UBIAD1: variants seen among roughly 807,000 people sequenced by gnomAD.
The protein encoded by UBIAD1 is UbiA prenyltransferase domain containing 1.
Under a neutral mutation model 20.1 loss-of-function variants are expected in UBIAD1, and 12 were observed. The ratio of observed to expected loss-of-function variants is 0.60; its 90% CI spans 0.38 to 0.97. The LOEUF is 0.97. Ranked by LOEUF, UBIAD1 falls within the 50% of genes least tolerant of loss-of-function variation. The probability of loss-of-function intolerance (pLI) is 0.00; values close to 1 mark genes in which losing one functional copy is unlikely to be tolerated. For missense variants in UBIAD1, 333 were observed against 419.5 expected (o/e 0.79, Z 1.80); for synonymous variants, 207 against 189.2 (o/e 1.09, Z -0.77).
intron 1 of UBIAD1, chr1:11,279,206 A>C: frequency 4.3e-6 from 1 of 232,946 alleles, no homozygotes; most frequent in Non-Finnish European, 9.4e-6. Context: ...CCCAATAATC[A>C]TGCCTGTCCA....
At chr1:11,295,110 A>T (rs1416728423) in exon 2 of UBIAD1, 4 of 574,338 alleles carry the variant, frequency 7.0e-6, no homozygotes, top group East Asian at 3.0e-5. Flanking sequence ...TGCTGTGTGG[A>T]GGGAGAGGAA....
At chr1:11,289,332 A>G (rs1269921675), downstream of UBIAD1, among the ~76,000 whole-genome samples, 2 of 152,186 alleles carry the variant, frequency 1.3e-5, no homozygotes, top group Non-Finnish European at 2.9e-5. Context: ...GGTTTCATGA[A>G]CCTTGGAGGA....
At chr1:11,277,458 G>A (rs187903847) in intron 1 of UBIAD1, among the ~76,000 whole-genome samples, 85 of 151,998 alleles carry the variant, frequency 5.6e-4, no homozygotes, top group Middle Eastern at 3.4e-3. Flanking sequence ...TTTTAGTAGA[G>A]ACGGGGTTTC....
rs1313551738 is a variant in UBIAD1 at position 11,273,478 on chromosome 1, C to A, written c.-54C>A. On this transcript the variant is annotated 5_prime_UTR_variant, in exon 1 of 2. Transcript: ENST00000376810. The surrounding 1 kb of genome is among the most constrained non-coding windows in gnomAD (Gnocchi z 4.9). ...CGCCCCGTCCTTCCTCCTTCCCGGGCGGTCACTGTGCGTGGCTCACTTTTA... is the reference window on the plus strand; with the variant it reads ...CGCCCCGTCCTTCCTCCTTCCCGGGAGGTCACTGTGCGTGGCTCACTTTTA... 5 of 1,603,454 alleles carry A rather than the reference C, an allele frequency of 3.1e-6. No individual in the cohort carries two copies. In the Admixed American group the frequency reaches 8.3e-5, roughly 27 times the overall value.
chr1:11,289,571 A>G (rs1010822693), downstream of UBIAD1, among the ~76,000 whole-genome samples: 2 of 151,738 alleles, frequency 1.3e-5, no homozygotes, highest in Non-Finnish European at 2.9e-5. Flanking sequence ...TTATTTATTT[A>G]TTATTTTTTT....
At position 11,273,497 on chromosome 1, in the gene UBIAD1, A is replaced by C. The variant is rs780021422; in HGVS notation, c.-35A>C. 67 of 1,609,646 alleles carry C rather than the reference A, an allele frequency of 4.2e-5. No individual in the cohort carries two copies. Among genetic ancestry groups the C allele is most frequent in the Non-Finnish European group, 3.4e-6 (4 of 1,179,960 alleles). Reference sequence around the variant, plus strand: ...CCCGGGCGGTCACTGTGCGTGGCTCACTTTTAGAGTTTACTTCAACCACGT... The same window carrying C: ...CCCGGGCGGTCACTGTGCGTGGCTCCCTTTTAGAGTTTACTTCAACCACGT... On this transcript the variant is annotated 5_prime_UTR_variant, in exon 1 of 2. Transcript: ENST00000376810. The surrounding 1 kb of genome is among the most constrained non-coding windows in gnomAD (Gnocchi z 4.9).
At position 11,286,281 on chromosome 1, in the gene UBIAD1, GATA is replaced by G; in HGVS notation, c.*154_*156del. ...TAAAAATTGTTTTTGTGTTCTTAAA[GATA>G]ATATGTTGTTTTTCTGTTTTTTGTT... On this transcript the variant is annotated 3_prime_UTR_variant, in exon 2 of 2. Coordinates refer to ENST00000376810, the MANE Select transcript of UBIAD1 (RefSeq NM_013319.3). 1 of 1,002,338 alleles carries G rather than the reference GATA, an allele frequency of 1.0e-6. No homozygotes were observed. The highest frequency in any genetic ancestry group is 1.6e-5 in the African/African-American group (1 of 61,148). The allele number at this position is 1,002,338 out of a possible 1,614,324, so 62.1% of individuals were successfully genotyped here. A position where few individuals can be genotyped will look rare whatever the true frequency, so the allele number is the denominator to read the frequency against.
At position 11,285,660 on chromosome 1, in the gene UBIAD1, C is replaced by T. The variant is rs1173458870; in HGVS notation, c.546C>T (p.Tyr182=). The change falls in exon 2 of 2, where the codon TAC becomes TAT. Residue 182 remains tyrosine (Y), a synonymous_variant. Transcript: ENST00000376810. This position sits in a 1 kb window ranked among gnomAD's most constrained non-coding sequence, Gnocchi z 4.4. ...TGGCCGCAGGAATTGGATTCAAGTA[C>T]GTGGCTCTGGGAGACCTCATCATCC... ...FLYTGGIGFK[Y]VALGDLIILI... is the part of the protein sequence containing the mutation. The T allele has an allele frequency of 7.4e-6, 12 of 1,614,162 alleles. No individual in the cohort carries two copies. The Middle Eastern group carries it at 4.9e-4, about 67-fold the overall frequency.
At chr1:11,297,607 G>C (rs1638468317), downstream of UBIAD1, among the ~76,000 whole-genome samples, 1 of 152,224 alleles carries the variant, frequency 6.6e-6, no homozygotes, top group South Asian at 2.1e-4. Context: ...GGAGAGCCAA[G>C]CCTGGCTGTG....
rs1390538814 is a variant in UBIAD1, at chr1:11,273,373, C to G, written c.-159C>G. 20 of 844,290 alleles carry G rather than the reference C, an allele frequency of 2.4e-5. No homozygotes were observed. The highest frequency in any genetic ancestry group is 1.3e-4 in the South Asian group (8 of 63,084). The allele number at this position is 844,290 out of a possible 1,614,324, so 52.3% of individuals were successfully genotyped here. A position where few individuals can be genotyped will look rare whatever the true frequency, so the allele number is the denominator to read the frequency against. ...TTGGCCTCGTGGGGTGTAAGACCCA[C>G]TTGCTGTTGCCCCCGGACCTTGCCG... On this transcript the variant is annotated 5_prime_UTR_variant, in exon 1 of 2. Transcript: ENST00000376810. This position sits in a 1 kb window ranked among gnomAD's most constrained non-coding sequence, Gnocchi z 4.9.
chr1:11,285,881 T>C lies in UBIAD1; in HGVS notation c.767T>C (p.Phe256Ser), dbSNP rs1250845303. 6.2e-7 allele frequency: 1 copy of C among 1,614,116 alleles called. No homozygotes were observed. The highest frequency in any genetic ancestry group is 1.1e-5 in the South Asian group (1 of 91,080). The change falls in exon 2 of 2, where the codon TTC becomes TCC. Residue 256 changes from phenylalanine (F) to serine (S), a missense_variant. This residue lies in a region of UBIAD1 where 226 missense variants were observed against 263.5 expected (regional missense o/e 0.86). Transcript: ENST00000376810. This position sits in a 1 kb window ranked among gnomAD's most constrained non-coding sequence, Gnocchi z 4.4. ...VTLAILIGPT[F>S]SYILYNTLLF... ...CTGGCCATCCTCATCGGCCCCACGT[T>C]CTCCTACATTCTCTACAACACACTG...
chr1:11,284,706 T>C (rs550578515), intron 1 of UBIAD1, among the ~76,000 whole-genome samples: 47 of 152,276 alleles, frequency 3.1e-4, no homozygotes, highest in Non-Finnish European at 5.3e-4. Context: ...TCAGGTAATC[T>C]GCCCGCCTTG....
Position 11,286,841 on chromosome 1 carries a change from A to G in UBIAD1, c.*710A>G, listed in dbSNP as rs937515001. On this transcript the variant is annotated 3_prime_UTR_variant, in exon 2 of 2. Transcript: ENST00000376810. The stretch of plus-strand genomic sequence containing the variant: ...CACTCTGGAGGCAACTGAGAAAATC[A>G]CTGCTTTTGGATAGGAATCAGTAGG... 1 of 153,472 alleles carries G rather than the reference A, an allele frequency of 6.5e-6. No homozygotes were observed. Among genetic ancestry groups the G allele is most frequent in the African/African-American group, 2.4e-5 (1 of 41,448 alleles). 9.5% of individuals were successfully genotyped at this position (153,472 alleles called of 1,614,324 possible).
In UBIAD1 at chr1:11,286,350, A is replaced by G. The variant is rs1638261830; in HGVS notation, c.*219A>G. 2 of 630,468 alleles carry G rather than the reference A, an allele frequency of 3.2e-6. No individual in the cohort carries two copies. The highest frequency in any genetic ancestry group is 2.0e-5 in the South Asian group (1 of 50,128). The allele number at this position is 630,468 out of a possible 1,614,324, so 39.1% of individuals were successfully genotyped here. On this transcript the variant is annotated 3_prime_UTR_variant, in exon 2 of 2. Coordinates refer to ENST00000376810, the MANE Select transcript of UBIAD1 (RefSeq NM_013319.3). ...GGAATTTAAAAACCATTCTTGTATCAGAAGGTGAATTAGGCGCATGGTCTT... is the reference window on the plus strand; with the variant it reads ...GGAATTTAAAAACCATTCTTGTATCGGAAGGTGAATTAGGCGCATGGTCTT...
chr1:11,298,890 C>T (rs904336559), downstream of UBIAD1, among the ~76,000 whole-genome samples: 5 of 152,228 alleles, frequency 3.3e-5, no homozygotes, highest in African/African-American at 1.2e-4. This position sits in a 1 kb window ranked among gnomAD's most constrained non-coding sequence, Gnocchi z 4.0. Context: ...TGGAGCCATT[C>T]GTTATCCTGC....
rs570855952 is a variant in UBIAD1, at chr1:11,278,678, C to T, written c.529+4618C>T. The T allele has an allele frequency of 1.4e-5, 19 of 1,402,470 alleles. No homozygotes were observed. In the South Asian group the frequency reaches 1.6e-4, roughly 12 times the overall value. The allele number at this position is 1,402,470 out of a possible 1,614,324, so 86.9% of individuals were successfully genotyped here. A position where few individuals can be genotyped will look rare whatever the true frequency, so the allele number is the denominator to read the frequency against. On this transcript the variant is annotated intron_variant, in intron 1 of 1. Transcript: ENST00000376810. ...CATATTTTCTTTGGACATCATTAGA[C>T]GTCTTAGCTCCTGAAGTACAACTTT... is the stretch of plus-strand genomic sequence containing the variant.
intron 1 of UBIAD1, chr1:11,293,500 C>G (rs986523261): frequency 6.6e-6 from 1 of 152,226 alleles, no homozygotes; most frequent in Non-Finnish European, 1.5e-5. Flanking sequence ...CATGGTGCAA[C>G]AGAGCAGGCA....
downstream of UBIAD1, among the ~76,000 whole-genome samples, chr1:11,292,457 C>T (rs908070226): frequency 6.6e-6 from 1 of 152,032 alleles, no homozygotes; most frequent in Admixed American, 6.6e-5. Context: ...ATCAGAGAGG[C>T]GTTGGATGAG....
intron 1 of UBIAD1, among the ~76,000 whole-genome samples, chr1:11,283,102 T>A (rs1652298726): frequency 6.6e-6 from 1 of 152,188 alleles, no homozygotes; most frequent in Non-Finnish European, 1.5e-5. Context: ...CCTCAGGTGA[T>A]CCACCTGCTT....
Sources: gnomAD v4.1 joint callset for allele counts (sites outside exome capture counted in the v4.1 genomes callset) on GRCh38, gnomAD v4.1.1 for gene constraint, gnomAD v4.1.1 regional missense constraint, Gnocchi (gnomAD v3.1) non-coding constraint, MANE v1.5 for transcripts, NCBI Gene and HGNC (gene_info 2026-07-23, HGNC 2026-07-21) for gene names.